The following CFAP299 variants were observed in gnomAD, a reference collection of about 807,000 sequenced individuals.
CFAP299 encodes the protein cilia- and flagella-associated protein 299.
In CFAP299, 21 loss-of-function variants were observed where a neutral mutation model predicts 27.0. The ratio of observed to expected loss-of-function variants is 0.78; its 90% CI spans 0.55 to 1.12. The LOEUF is 1.12. Among genes scored for constraint, CFAP299 ranks in the 50% most tolerant of loss-of-function variants. CFAP299 has a pLI of 0.00. For missense variants in CFAP299, 310 were observed against 276.6 expected, an observed-to-expected ratio of 1.12 and a Z score of -0.86; for synonymous variants, 104 against 98.1, an observed-to-expected ratio of 1.06 and a Z score of -0.36.
At chr4:80,929,113 A>G (rs1023775349) in intron 4 of CFAP299, among the ~76,000 whole-genome samples, 1 of 152,180 alleles carries the variant, frequency 6.6e-6, no homozygotes, top group Admixed American at 6.6e-5. Context: ...TCTTTCTAAC[A>G]TTTCTAAGTG....
intron 2 of CFAP299, among the ~76,000 whole-genome samples, chr4:80,482,430 T>A (rs1730611014): frequency 6.6e-6 from 1 of 152,106 alleles, no homozygotes; most frequent in African/African-American, 2.4e-5. Context: ...ATCCAAGAAA[T>A]GAGAATATTT....
chr4:80,924,939 T>C (rs1438465185), intron 4 of CFAP299, among the ~76,000 whole-genome samples: 1 of 151,854 alleles, frequency 6.6e-6, no homozygotes, highest in Non-Finnish European at 1.5e-5. Flanking sequence ...CAAGTTGGGG[T>C]CATTGAAATG....
chr4:80,466,617 C>T (rs959548463), intron 2 of CFAP299, among the ~76,000 whole-genome samples: 3 of 152,134 alleles, frequency 2.0e-5, no homozygotes, highest in African/African-American at 7.2e-5. Context: ...CACACTTGGA[C>T]GAATTGTTTT....
intron 3 of CFAP299, among the ~76,000 whole-genome samples, chr4:80,825,777 A>C (rs1329793874): frequency 6.6e-6 from 1 of 151,944 alleles, no homozygotes; most frequent in Non-Finnish European, 1.5e-5. Context: ...AAAGGACAAT[A>C]GATAGTAACT....
At chr4:80,779,392 C>T (rs1003426693) in intron 3 of CFAP299, among the ~76,000 whole-genome samples, 6 of 152,060 alleles carry the variant, frequency 3.9e-5, no homozygotes, top group Non-Finnish European at 8.8e-5. Context: ...TGTCCAGCCC[C>T]TACCTAGCAA....
intron 4 of CFAP299, among the ~76,000 whole-genome samples, chr4:80,886,537 T>TA (rs1297887940): frequency 6.6e-6 from 1 of 152,190 alleles, no homozygotes; most frequent in Non-Finnish European, 1.5e-5. Flanking sequence ...TTTGAGCCTG[T>TA]AAAAATCACA....
At chr4:80,427,658 A>G (rs1233348868) in intron 2 of CFAP299, among the ~76,000 whole-genome samples, 1 of 152,148 alleles carries the variant, frequency 6.6e-6, no homozygotes, top group Non-Finnish European at 1.5e-5. Flanking sequence ...ACTCACTCCT[A>G]CATAGGAGGT....
intron 3 of CFAP299, among the ~76,000 whole-genome samples, chr4:80,602,179 G>A (rs182993221): frequency 2.5e-4 from 38 of 151,956 alleles, no homozygotes; most frequent in African/African-American, 7.5e-4. Context: ...ATTTACCTAC[G>A]TAATAAACCT....
chr4:80,386,950 G>T (rs750084457), intron 2 of CFAP299: 618 of 897,594 alleles, frequency 6.9e-4, no homozygotes, highest in Non-Finnish European at 1.1e-3. Context: ...TAATGCACCC[G>T]CCGGGAGGAC....
rs570087753 is a variant in CFAP299 at position 80,788,901 on chromosome 4, G to A, written c.334-81092G>A. Among the ~76,000 whole-genome samples the A allele has an allele frequency of 2.0e-5, 3 of 152,142 alleles. No homozygotes were observed. In the East Asian group the frequency reaches 5.8e-4, roughly 29 times the overall value. On this transcript the variant is annotated intron_variant, in intron 3 of 5. Coordinates refer to ENST00000358105, the MANE Select transcript of CFAP299 (RefSeq NM_152770.3). ...ATGTTTTTGGGTTTTCAAAGCTTTG[G>A]TTGTCATTGGAATGAGTAAGCCTTT... is the stretch of plus-strand genomic sequence containing the variant.
chr4:80,421,357 GC>G (rs1301740790), intron 2 of CFAP299, among the ~76,000 whole-genome samples: 1 of 152,144 alleles, frequency 6.6e-6, no homozygotes, highest in Non-Finnish European at 1.5e-5. Flanking sequence ...CTTCTCTTAA[GC>G]ATTTGTGGAA....
intron 3 of CFAP299, among the ~76,000 whole-genome samples, chr4:80,835,874 C>G (rs544726071): frequency 6.6e-6 from 1 of 152,300 alleles, no homozygotes; most frequent in African/African-American, 2.4e-5. Flanking sequence ...TAAACTACCT[C>G]TCATCCTTTC....
intron 4 of CFAP299, chr4:80,872,960 A>C (rs1172574783): frequency 1.6e-5 from 16 of 974,210 alleles, no homozygotes; most frequent in Non-Finnish European, 6.1e-6. Flanking sequence ...CAGAAATCAG[A>C]AGTTCTGATA....
intron 2 of CFAP299, among the ~76,000 whole-genome samples, chr4:80,440,196 G>C (rs899795232): frequency 3.3e-5 from 5 of 152,192 alleles, no homozygotes; most frequent in African/African-American, 1.2e-4. Flanking sequence ...CAATGCTTGA[G>C]CTCTGCTAAG....
At chr4:80,861,279 G>T (rs1326163721) in intron 3 of CFAP299, among the ~76,000 whole-genome samples, 1 of 152,122 alleles carries the variant, frequency 6.6e-6, no homozygotes, top group African/African-American at 2.4e-5. Flanking sequence ...CAGTATTCGG[G>T]TGGGAGTGAC....
At chr4:80,342,500 T>C (rs1156509997) in intron 1 of CFAP299, among the ~76,000 whole-genome samples, 3 of 152,142 alleles carry the variant, frequency 2.0e-5, no homozygotes, top group Non-Finnish European at 4.4e-5. Flanking sequence ...CCAGAAGAGA[T>C]TGCAGACCAA....
chr4:80,623,865 T>G (rs1280826758), intron 3 of CFAP299, among the ~76,000 whole-genome samples: 1 of 152,084 alleles, frequency 6.6e-6, no homozygotes, highest in African/African-American at 2.4e-5. Context: ...CGTCTCAGGC[T>G]TGTGTGGAAG....
At chr4:80,800,362 T>G (rs1262873494) in intron 3 of CFAP299, among the ~76,000 whole-genome samples, 1 of 70,570 alleles carries the variant, frequency 1.4e-5, no homozygotes, top group African/African-American at 6.5e-5. Context: ...ATATGATATA[T>G]TAATATAATA....
chr4:80,856,284 G>A (rs79863818), intron 3 of CFAP299, among the ~76,000 whole-genome samples: 1 of 131,380 alleles, frequency 7.6e-6, no homozygotes, highest in Admixed American at 7.3e-5. Flanking sequence ...TTTGAGTTCA[G>A]TGTAGATTCT....
Sources: allele counts gnomAD v4.1 joint callset (sites outside exome capture counted in the v4.1 genomes callset), GRCh38; gene constraint gnomAD v4.1.1; transcripts MANE v1.5; gene names NCBI Gene and HGNC (gene_info 2026-07-23, HGNC 2026-07-21).